The following SCRN1 variants were observed in gnomAD, a reference collection of about 807,000 sequenced individuals.
SCRN1 encodes the protein secernin-1.
Under a neutral mutation model 43.3 loss-of-function variants are expected in SCRN1, and 19 were observed. The ratio of observed to expected loss-of-function variants is 0.44; its 90% CI spans 0.31 to 0.64. The LOEUF is 0.64. Among genes scored for constraint, SCRN1 ranks in the 30% least tolerant of loss-of-function variants. SCRN1 has a pLI of 0.09. For missense variants in SCRN1, 447 were observed against 524.1 expected (o/e 0.85, Z 1.44); for synonymous variants, 183 against 188.9 (o/e 0.97, Z 0.26).
rs1788459887 is a variant in SCRN1 at position 29,965,549 on chromosome 7, G to C, written c.159+3360C>G. On this transcript the variant is annotated intron_variant, in intron 2 of 7. Coordinates refer to ENST00000242059, the MANE Select transcript of SCRN1 (RefSeq NM_014766.5). The surrounding 1 kb of genome is among the most constrained non-coding windows in gnomAD (Gnocchi z 4.2). ...AAACTACGTGGCCGACAATGCATAT[G>C]TTGTTACAGCAACATATATGAGCTG... Among the ~76,000 whole-genome samples the C allele has an allele frequency of 6.6e-6, 1 of 152,160 alleles. No homozygotes were observed. Among genetic ancestry groups the C allele is most frequent in the Non-Finnish European group, 1.5e-5 (1 of 68,036 alleles).
intron 6 of SCRN1, among the ~76,000 whole-genome samples, chr7:29,927,810 G>T (rs1010923001): frequency 6.6e-6 from 1 of 152,130 alleles, no homozygotes; most frequent in African/African-American, 2.4e-5. Context: ...TGCCAGTATG[G>T]CACACAGGTA....
intron 3 of SCRN1, chr7:29,947,068 G>T: frequency 1.7e-6 from 2 of 1,143,724 alleles, no homozygotes; most frequent in Non-Finnish European, 2.4e-6. Flanking sequence ...CTACCCCTCT[G>T]CCTGGGCAGG....
At chr7:29,953,958 G>C (rs1174631223) in intron 3 of SCRN1, among the ~76,000 whole-genome samples, 1 of 152,164 alleles carries the variant, frequency 6.6e-6, no homozygotes, top group Non-Finnish European at 1.5e-5. Flanking sequence ...CACACTGAAA[G>C]CCAAGAACTC....
intron 2 of SCRN1, among the ~76,000 whole-genome samples, chr7:29,960,918 A>T (rs1274946454): frequency 6.6e-6 from 1 of 152,140 alleles, no homozygotes; most frequent in Admixed American, 6.5e-5. Context: ...ACCAAAAGAG[A>T]TGTTGTTAAA....
chr7:29,939,547 C>T lies in SCRN1; in HGVS notation c.739+1135G>A, dbSNP rs546231403. Reference sequence around the variant, plus strand: ...TTAGGTTTATGGGCCATAGAATTTCCGTTGAAACTTTCCTGTTGCACCTGC... The same window carrying T: ...TTAGGTTTATGGGCCATAGAATTTCTGTTGAAACTTTCCTGTTGCACCTGC... On this transcript the variant is annotated intron_variant, in intron 5 of 7. Transcript: ENST00000242059. 3.9e-5 allele frequency among the ~76,000 whole-genome samples: 6 copies of T among 152,224 alleles called. No individual in the cohort carries two copies. In the South Asian group the frequency reaches 8.3e-4, roughly 21 times the overall value.
intron 3 of SCRN1, among the ~76,000 whole-genome samples, chr7:29,948,633 A>C (rs1004457287): frequency 6.6e-6 from 1 of 152,250 alleles, no homozygotes; most frequent in East Asian, 1.9e-4. Flanking sequence ...TTTTAGTGCC[A>C]TTGTTAAACA....
chr7:29,984,781 C>CT (rs57462898), intron 1 of SCRN1, among the ~76,000 whole-genome samples: 6,192 of 125,370 alleles, frequency 0.049, 267 homozygotes, highest in Middle Eastern at 0.074. Context: ...ATTAGCTGGG[C>CT]GTGGTGGCAG....
At chr7:29,943,920 C>A (rs1787641044) in intron 4 of SCRN1, 57 bp downstream of exon 4, 1 of 1,537,562 alleles carries the variant, frequency 6.5e-7, no homozygotes, top group Admixed American at 1.7e-5. Flanking sequence ...GTGCAGGCCA[C>A]CCCATCTCTG....
chr7:29,983,321 AG>A (rs1789051191), intron 1 of SCRN1, among the ~76,000 whole-genome samples: 2 of 85,030 alleles, frequency 2.4e-5, no homozygotes, highest in African/African-American at 9.3e-5. Context: ...GGGAGGGGGG[AG>A]GGATAGCATT....
At chr7:29,978,990 T>C (rs1180354451) in intron 1 of SCRN1, among the ~76,000 whole-genome samples, 1 of 152,404 alleles carries the variant, frequency 6.6e-6, no homozygotes, top group Admixed American at 6.5e-5. Context: ...CTAATCATTT[T>C]ACAAAAGTAT....
chr7:29,944,358 CAT>C (rs1390111690), intron 3 of SCRN1, among the ~76,000 whole-genome samples, 179 bp from the exon 4 acceptor site: 3 of 152,198 alleles, frequency 2.0e-5, no homozygotes, highest in Non-Finnish European at 2.9e-5. Context: ...ACACTTCTCA[CAT>C]GTTTGCTTAA....
intron 1 of SCRN1, among the ~76,000 whole-genome samples, chr7:29,983,289 G>A (rs756870786): frequency 1.4e-4 from 19 of 139,976 alleles, no homozygotes; most frequent in Non-Finnish European, 2.1e-4. Context: ...AGACTTTATG[G>A]TGGGGACTGT....
intron 2 of SCRN1, among the ~76,000 whole-genome samples, chr7:29,961,276 C>G (rs549975546): frequency 7.1e-6 from 1 of 140,684 alleles, no homozygotes; most frequent in Admixed American, 7.2e-5. Context: ...TGACTCTTAA[C>G]GAGCATGCTG....
intron 6 of SCRN1, among the ~76,000 whole-genome samples, chr7:29,932,190 T>C (rs1266252361): frequency 6.6e-6 from 1 of 152,060 alleles, no homozygotes; most frequent in Non-Finnish European, 1.5e-5. Flanking sequence ...CAGAATGGAA[T>C]TGGAGGGGTA....
chr7:29,964,563 A>G (rs979892088), intron 2 of SCRN1, among the ~76,000 whole-genome samples: 1 of 152,186 alleles, frequency 6.6e-6, no homozygotes, highest in Non-Finnish European at 1.5e-5. Flanking sequence ...AGTATTCTCT[A>G]TGATACTACA....
intron 3 of SCRN1, among the ~76,000 whole-genome samples, chr7:29,952,366 A>G (rs964798579): frequency 2.0e-5 from 3 of 152,216 alleles, no homozygotes; most frequent in African/African-American, 7.2e-5. Flanking sequence ...GGAGCTTCTT[A>G]AAAATTAATA....
chr7:29,966,170 A>AGAGAG (rs1453660623), intron 2 of SCRN1, among the ~76,000 whole-genome samples: 2 of 145,558 alleles, frequency 1.4e-5, no homozygotes, highest in Admixed American at 1.4e-4. Flanking sequence ...AGAGAGAGAG[A>AGAGAG]GAGAGAGAGA....
chr7:29,929,526 C>T (rs766016546), intron 6 of SCRN1, among the ~76,000 whole-genome samples: 2 of 152,234 alleles, frequency 1.3e-5, no homozygotes, highest in Non-Finnish European at 2.9e-5. Flanking sequence ...ACTCTTCTGA[C>T]ACAGGACCCC....
rs907437212 is a variant in SCRN1, at chr7:29,920,809, A to G, written c.*3148T>C. 3.9e-5 allele frequency: 6 copies of G among 152,186 alleles called. No individual in the cohort carries two copies. The highest frequency in any genetic ancestry group is 1.9e-4 in the East Asian group (1 of 5,186). 9.4% of individuals were successfully genotyped at this position (152,186 alleles called of 1,614,324 possible). The stretch of plus-strand genomic sequence containing the variant: ...GGTTGATGATTATTTTTTATACCTA[A>G]TGATTCACCCAATAGTAAAGGAACC... On this transcript the variant is annotated 3_prime_UTR_variant, in exon 8 of 8. Transcript: ENST00000242059.
Sources: allele counts gnomAD v4.1 joint callset (sites outside exome capture counted in the v4.1 genomes callset), GRCh38; gene constraint gnomAD v4.1.1; non-coding constraint Gnocchi (gnomAD v3.1); transcripts MANE v1.5; gene names NCBI Gene and HGNC (gene_info 2026-07-23, HGNC 2026-07-21).